The following LMF1 variants were observed in gnomAD, a reference collection of about 807,000 sequenced individuals.
LMF1 encodes the protein lipase maturation factor 1.
In LMF1, 68 loss-of-function variants were observed where a neutral mutation model predicts 60.6. That is an observed-to-expected ratio of 1.12 (90% confidence interval 0.92 to 1.37). The LOEUF (loss-of-function observed/expected upper bound fraction) is 1.37, where lower values mean the gene tolerates loss of function less well. Among genes scored for constraint, LMF1 ranks in the 40% most tolerant of loss-of-function variants. The pLI is 0.00. For synonymous variants in LMF1, 418 were observed against 324.7 expected, an observed-to-expected ratio of 1.29 and a Z score of -3.09; for missense variants, 948 against 767.2, an observed-to-expected ratio of 1.24 and a Z score of -2.78.
At position 922,380 on chromosome 16, in the gene LMF1, G is replaced by A. The variant is rs548837123; in HGVS notation, c.515-11301C>T. ...CGACTGGTAGCCAGGTAGGCAGAAT[G>A]GCAGGCAGAGCGGCCACTGGGGAAC... On this transcript the variant is annotated intron_variant, in intron 3 of 10. Transcript: ENST00000262301. 1.5e-4 allele frequency among the ~76,000 whole-genome samples: 23 copies of A among 152,348 alleles called. 1 individual carries two copies. The highest frequency in any genetic ancestry group is 5.5e-4 in the African/African-American group (23 of 41,562).
At chr16:888,745 T>C (rs962648898) in intron 5 of LMF1, among the ~76,000 whole-genome samples, 1 of 137,154 alleles carries the variant, frequency 7.3e-6, no homozygotes, top group African/African-American at 2.7e-5. Context: ...CTGGGGGGGG[T>C]CCTAGGTACA....
chr16:865,310 T>C (rs1034361214), intron 10 of LMF1, among the ~76,000 whole-genome samples: 4 of 152,218 alleles, frequency 2.6e-5, no homozygotes, highest in Admixed American at 1.3e-4. Flanking sequence ...TCCAACATGA[T>C]TGGAACTCAA....
chr16:869,377 A>T (rs973253109), intron 9 of LMF1: 1 of 604,058 alleles, frequency 1.7e-6, no homozygotes, highest in South Asian at 1.5e-5. Flanking sequence ...GACCGGGAGG[A>T]CAGAAACAGC....
chr16:872,345 G>C (rs1238099930), intron 6 of LMF1: 1 of 152,266 alleles, frequency 6.6e-6, no homozygotes, highest in Admixed American at 6.5e-5. Flanking sequence ...GTCTAATGAA[G>C]GGACTCGTGA....
rs76164095 is a variant in LMF1 at position 907,696 on chromosome 16, G to A, written c.663+3235C>T. Among the ~76,000 whole-genome samples the A allele has an allele frequency of 1.5e-4, 23 of 152,290 alleles. 1 individual carries two copies. In the East Asian group the frequency reaches 2.5e-3, roughly 17 times the overall value. ...TGCGCGAGCGGGGGAAGGGGTGTGC[G>A]TGCCTTCCTAGCCGGCTCTGTCCAC... is the stretch of plus-strand genomic sequence containing the variant. On this transcript the variant is annotated intron_variant, in intron 4 of 10. Coordinates refer to ENST00000262301, the MANE Select transcript of LMF1 (RefSeq NM_022773.4).
intron 2 of LMF1, among the ~76,000 whole-genome samples, chr16:945,472 G>T (rs1208732768): frequency 1.3e-5 from 2 of 151,778 alleles, no homozygotes; most frequent in Non-Finnish European, 2.9e-5. Flanking sequence ...GCTGCAGTGG[G>T]CTGTGACTGT....
chr16:879,634 G>A lies in LMF1; in HGVS notation c.833C>T (p.Pro278Leu), dbSNP rs1346753196. Residue 278 changes from proline (P) to leucine (L), a missense_variant, in exon 6 of 11, where the codon CCC (proline) becomes CTC (leucine). Pro to Leu is a moderately conservative substitution (Grantham distance 98). Coordinates refer to ENST00000262301, the MANE Select transcript of LMF1 (RefSeq NM_022773.4). ...CCGCCGGCCGAGGAAGAGGAAGAAG[G>A]GCACCAGGAGCTCGATGAAGTGGTT... ...LSNHFIELLV[P>L]FFLFLGRRAC... 2 of 1,613,348 alleles carry A rather than the reference G, an allele frequency of 1.2e-6. No homozygotes were observed. Among genetic ancestry groups the A allele is most frequent in the Non-Finnish European group, 1.7e-6 (2 of 1,179,754 alleles).
In LMF1 at chr16:950,876, C is replaced by T. The variant is rs867021096; in HGVS notation, c.503+3481G>A. ...AGCCAACGACAGAGTCAGCCAAGGACGGAGTCAGAGCCAACGACAGAGTCA... is the reference window on the plus strand; with the variant it reads ...AGCCAACGACAGAGTCAGCCAAGGATGGAGTCAGAGCCAACGACAGAGTCA... On this transcript the variant is annotated intron_variant, in intron 2 of 10. Coordinates refer to ENST00000262301, the MANE Select transcript of LMF1 (RefSeq NM_022773.4). Among the ~76,000 whole-genome samples the T allele has an allele frequency of 4.8e-5, 7 of 146,436 alleles. No individual in the cohort carries two copies. The South Asian group carries it at 9.0e-4, about 19-fold the overall frequency.
rs577415566 is a variant in LMF1, at chr16:853,753, A to C, written c.*779T>G. On this transcript the variant is annotated 3_prime_UTR_variant, in exon 11 of 11. Coordinates refer to ENST00000262301, the MANE Select transcript of LMF1 (RefSeq NM_022773.4). ...ACGCTGTTTGTCCGACGATGATGAA[A>C]GTGTGCACGGCCGGCTGTCCTCCGA... 2 of 454,030 alleles carry C rather than the reference A, an allele frequency of 4.4e-6. No homozygotes were observed. The highest frequency in any genetic ancestry group is 4.4e-6 in the Non-Finnish European group (1 of 226,804). The allele number at this position is 454,030 out of a possible 1,614,324, so 28.1% of individuals were successfully genotyped here. A position where few individuals can be genotyped will look rare whatever the true frequency, so the allele number is the denominator to read the frequency against.
intron 3 of LMF1, among the ~76,000 whole-genome samples, chr16:926,126 CTGTG>C (rs748025225): frequency 6.6e-6 from 1 of 151,232 alleles, no homozygotes; most frequent in Non-Finnish European, 1.5e-5. Flanking sequence ...CTGAATATGT[CTGTG>C]TGTGCATGCG....
chr16:949,626 C>A (rs406208), intron 2 of LMF1, among the ~76,000 whole-genome samples: 2 of 82,090 alleles, frequency 2.4e-5, no homozygotes, highest in African/African-American at 7.7e-5. Flanking sequence ...AGAGTCAGAG[C>A]CAATGACAGA....
At chr16:919,911 C>T (rs1019537913) in intron 3 of LMF1, among the ~76,000 whole-genome samples, 1 of 152,182 alleles carries the variant, frequency 6.6e-6, no homozygotes, top group African/African-American at 2.4e-5. Context: ...AGTCAGGCTC[C>T]TGCCCCCGGC....
upstream of LMF1, among the ~76,000 whole-genome samples, chr16:973,612 C>T (rs1200150783): frequency 1.3e-5 from 2 of 152,174 alleles, no homozygotes; most frequent in African/African-American, 2.4e-5. Context: ...TGGAACTAGG[C>T]GATGGCTGCC....
At chr16:948,571 GACA>G (rs1299952035) in intron 2 of LMF1, among the ~76,000 whole-genome samples, 30 of 148,068 alleles carry the variant, frequency 2.0e-4, no homozygotes, top group African/African-American at 7.5e-4. Context: ...CAGAGTTAGA[GACA>G]ACGACAGAGT....
intron 5 of LMF1, among the ~76,000 whole-genome samples, chr16:892,630 G>A (rs1326735303): frequency 6.6e-6 from 1 of 152,242 alleles, no homozygotes; most frequent in Non-Finnish European, 1.5e-5. Context: ...CGTGTGGCAG[G>A]GGCTGGGCAC....
chr16:936,534 A>G (rs1255158378), intron 2 of LMF1, among the ~76,000 whole-genome samples: 1 of 144,638 alleles, frequency 6.9e-6, no homozygotes, highest in African/African-American at 2.6e-5. Context: ...GCTGGGAGAG[A>G]GGGGGTACCC....
At chr16:937,897 C>T (rs1360887551) in intron 2 of LMF1, among the ~76,000 whole-genome samples, 1 of 151,638 alleles carries the variant, frequency 6.6e-6, no homozygotes, top group Admixed American at 6.6e-5. Context: ...GAACCACGCC[C>T]AGGTTCCTGA....
intron 2 of LMF1, among the ~76,000 whole-genome samples, chr16:952,309 C>T (rs1326930808): frequency 5.3e-5 from 3 of 56,356 alleles, no homozygotes; most frequent in African/African-American, 2.7e-4. Flanking sequence ...AAAGTGGGGA[C>T]CCCCCCCCAC....
At chr16:955,822 C>A (rs188802949) in intron 1 of LMF1, among the ~76,000 whole-genome samples, 84 of 152,364 alleles carry the variant, frequency 5.5e-4, no homozygotes, top group African/African-American at 1.9e-3. Context: ...AGGACCCTGG[C>A]TCTGGTCAAC....
Sources: gnomAD v4.1 joint callset for allele counts (sites outside exome capture counted in the v4.1 genomes callset) on GRCh38, gnomAD v4.1.1 for gene constraint, MANE v1.5 for transcripts, NCBI Gene and HGNC (gene_info 2026-07-23, HGNC 2026-07-21) for gene names.